Variants in DOCK5 observed in about 807,000 individuals in gnomAD.
DOCK5 encodes the protein dedicator of cytokinesis protein 5.
A neutral mutation model predicts 251.8 loss-of-function variants in DOCK5; 142 were observed. The observed-to-expected ratio is 0.56, with a 90% CI of 0.49 to 0.65. The LOEUF (loss-of-function observed/expected upper bound fraction) is 0.65, where lower values mean the gene tolerates loss of function less well. Among genes scored for constraint, DOCK5 ranks in the 30% least tolerant of loss-of-function variants. The pLI, the probability that DOCK5 is intolerant of heterozygous loss-of-function variation, is 0.00. For missense variants in DOCK5, 2,111 were observed against 2,312.3 expected, an observed-to-expected ratio of 0.91 and a Z score of 1.79; for synonymous variants, 842 against 835.5, an observed-to-expected ratio of 1.01 and a Z score of -0.13.
intron 23 of DOCK5, 89 bp from the exon 24 acceptor site, chr8:25,341,650 A>T (rs148603204): frequency 8.8e-7 from 1 of 1,132,938 alleles, no homozygotes; most frequent in East Asian, 2.6e-5. Context: ...ATAAGTTCCA[A>T]GCACAGCCTT....
chr8:25,403,048 T>C (rs961924054), intron 47 of DOCK5, among the ~76,000 whole-genome samples: 5 of 152,182 alleles, frequency 3.3e-5, no homozygotes, highest in African/African-American at 1.2e-4. Context: ...TTATTAGAAC[T>C]TGGCCGGTAT....
At chr8:25,362,972 T>C in intron 28 of DOCK5, 75 bp from the exon 29 acceptor site, 1 of 1,102,796 alleles carries the variant, frequency 9.1e-7, no homozygotes, top group Admixed American at 1.8e-5. Flanking sequence ...GTTGTGGTTC[T>C]GCTTGTATAC....
intron 1 of DOCK5, among the ~76,000 whole-genome samples, chr8:25,240,428 A>G (rs1802913501): frequency 6.6e-6 from 1 of 152,198 alleles, no homozygotes; most frequent in Non-Finnish European, 1.5e-5. Context: ...CATCTCCCCA[A>G]GAAGCTCCTT....
At chr8:25,377,200 C>T in intron 37 of DOCK5, 105 bp from the exon 38 acceptor site, 1 of 1,399,852 alleles carries the variant, frequency 7.1e-7, no homozygotes, top group Admixed American at 2.9e-5. Flanking sequence ...AATACATAAT[C>T]TAAAATACAA....
Position 25,374,587 on chromosome 8 carries a change from T to G in DOCK5, c.3749T>G (p.Leu1250Trp), listed in dbSNP as rs969704067. Residue 1250 changes from leucine (L) to tryptophan (W), a missense_variant, in exon 37 of 52, where the codon TTG becomes TGG. Physicochemically the swap from Leu to Trp is moderately conservative, Grantham distance 61. Transcript: ENST00000276440. ...YIRYLYKLRD[L>W]HRDCENYTEA... ...AGATATCTGTACAAGCTTCGAGATT[T>G]GCACCGAGACTGTGAGAACTACACA... The G allele has an allele frequency of 6.2e-7, 1 of 1,610,290 alleles. No individual in the cohort carries two copies. Among genetic ancestry groups the G allele is most frequent in the Non-Finnish European group, 8.5e-7 (1 of 1,179,008 alleles).
rs112416012 is a variant in DOCK5 at position 25,322,284 on chromosome 8, C to T, written c.1615+1232C>T. ...ACGGAATAGTATGATATGTACATTACAAGGGGCAAAGACTTGTAATGGAAG... is the reference window on the plus strand; with the variant it reads ...ACGGAATAGTATGATATGTACATTATAAGGGGCAAAGACTTGTAATGGAAG... On this transcript the variant is annotated intron_variant, in intron 16 of 51. Transcript: ENST00000276440. 2.8e-3 allele frequency among the ~76,000 whole-genome samples: 422 copies of T among 152,318 alleles called. 1 individual carries two copies. The highest frequency in any genetic ancestry group is 9.6e-3 in the African/African-American group (401 of 41,572).
chr8:25,275,296 C>A, intron 3 of DOCK5, 90 bp from the exon 4 acceptor site: 1 of 1,084,494 alleles, frequency 9.2e-7, no homozygotes, highest in South Asian at 1.5e-5. Flanking sequence ...TGGGTGTTCC[C>A]ATTTATTCTC....
intron 10 of DOCK5, among the ~76,000 whole-genome samples, chr8:25,303,749 G>A (rs1041888204): frequency 6.6e-6 from 1 of 152,106 alleles, no homozygotes; most frequent in Non-Finnish European, 1.5e-5. Context: ...ATCATCTGAG[G>A]TCAGGAGTTC....
At chr8:25,371,129 G>T (rs915079425) in intron 34 of DOCK5, among the ~76,000 whole-genome samples, 21 of 148,522 alleles carry the variant, frequency 1.4e-4, no homozygotes, top group African/African-American at 4.7e-4. Context: ...TTGTGGATGA[G>T]AGTCTGTGTT....
chr8:25,278,525 C>G (rs1209789301), intron 4 of DOCK5, 44 bp from the exon 5 acceptor site: 20 of 1,576,862 alleles, frequency 1.3e-5, no homozygotes, highest in Non-Finnish European at 1.7e-5. Flanking sequence ...TAAAGCAGTG[C>G]TGATCAGCCT....
chr8:25,305,333 A>G (rs995239308), intron 11 of DOCK5: 5 of 151,938 alleles, frequency 3.3e-5, no homozygotes, highest in Admixed American at 3.3e-4. Context: ...TTAGCTAGCC[A>G]TTTAAGATCC....
chr8:25,196,586 G>A (rs538056685), intron 1 of DOCK5, among the ~76,000 whole-genome samples: 1 of 152,296 alleles, frequency 6.6e-6, no homozygotes, highest in Admixed American at 6.5e-5. Context: ...GGCCATAGCT[G>A]TCATGTAGCC....
rs1022259825 is a variant in DOCK5 at position 25,414,093 on chromosome 8, G to A, written c.*2795G>A. 5 of 152,114 alleles carry A rather than the reference G, an allele frequency of 3.3e-5. No individual in the cohort carries two copies. The highest frequency in any genetic ancestry group is 6.5e-5 in the Admixed American group (1 of 15,280). 9.4% of individuals were successfully genotyped at this position (152,114 alleles called of 1,614,324 possible). Reference sequence around the variant, plus strand: ...ACAACTTTTGTGAATACTGGTATACGGTTGGAGGTGTTTTTAAATCTTTAT... The same window carrying A: ...ACAACTTTTGTGAATACTGGTATACAGTTGGAGGTGTTTTTAAATCTTTAT... On this transcript the variant is annotated 3_prime_UTR_variant, in exon 52 of 52. Transcript: ENST00000276440.
At chr8:25,400,108 A>C in intron 46 of DOCK5, 114 bp downstream of exon 46, 1 of 811,352 alleles carries the variant, frequency 1.2e-6, no homozygotes, top group Non-Finnish European at 2.0e-6. Flanking sequence ...TCTTTTTTTA[A>C]CCCTTGTGAA....
At chr8:25,366,311 C>A (rs557643730) in intron 30 of DOCK5, among the ~76,000 whole-genome samples, 1 of 152,008 alleles carries the variant, frequency 6.6e-6, no homozygotes, top group Non-Finnish European at 1.5e-5. Flanking sequence ...GCCAACATGG[C>A]GAAACTCCAT....
rs1312074583 is a variant in DOCK5 at position 25,412,621 on chromosome 8, A to C, written c.*1323A>C. On this transcript the variant is annotated 3_prime_UTR_variant, in exon 52 of 52. Transcript: ENST00000276440. The stretch of plus-strand genomic sequence containing the variant: ...TCCCAGATATTTCTATGCTACTTAG[A>C]TATTTGTGGCAAAGCAGAAAGCTTT... The C allele has an allele frequency of 6.6e-6, 1 of 152,198 alleles. No individual in the cohort carries two copies. The allele number at this position is 152,198 out of a possible 1,614,324, so 9.4% of individuals were successfully genotyped here. A position where few individuals can be genotyped will look rare whatever the true frequency, so the allele number is the denominator to read the frequency against.
intron 26 of DOCK5, among the ~76,000 whole-genome samples, chr8:25,346,865 A>T (rs1395695573): frequency 6.6e-6 from 1 of 151,764 alleles, no homozygotes; most frequent in Non-Finnish European, 1.5e-5. Context: ...ACCTGTCTGG[A>T]TTCACCATGT....
At chr8:25,351,508 C>G in intron 26 of DOCK5, 1 of 492,686 alleles carries the variant, frequency 2.0e-6, no homozygotes, top group East Asian at 3.6e-5. Flanking sequence ...CATCCCTGCA[C>G]AGCCACATTC....
intron 27 of DOCK5, among the ~76,000 whole-genome samples, chr8:25,355,582 T>C (rs1800552788): frequency 6.6e-6 from 1 of 152,158 alleles, no homozygotes; most frequent in South Asian, 2.1e-4. Context: ...CCCAAATAGC[T>C]GGGGTTACAA....
Sources: allele counts gnomAD v4.1 joint callset (sites outside exome capture counted in the v4.1 genomes callset), GRCh38; gene constraint gnomAD v4.1.1; transcripts MANE v1.5; gene names NCBI Gene and HGNC (gene_info 2026-07-23, HGNC 2026-07-21).